The following HERC2 variants were observed in gnomAD, a reference collection of about 807,000 sequenced individuals.
The protein encoded by HERC2 is E3 ubiquitin-protein ligase HERC2.
A neutral mutation model predicts 537.7 loss-of-function variants in HERC2; 102 were observed. The ratio of observed to expected loss-of-function variants is 0.19; its 90% CI spans 0.16 to 0.22. HERC2 has a LOEUF of 0.22. Among genes scored for constraint, HERC2 ranks in the 10% least tolerant of loss-of-function variants. HERC2 has a pLI of 1.00. For missense variants in HERC2, 4,236 were observed against 6,198.2 expected (o/e 0.68, Z 10.63); for synonymous variants, 2,224 against 2,466.2 (o/e 0.90, Z 2.91).
chr15:28,144,176 T>A lies in HERC2; in HGVS notation c.11200A>T (p.Thr3734Ser). The A allele has an allele frequency of 6.2e-7, 1 of 1,614,146 alleles. No homozygotes were observed. Among genetic ancestry groups the A allele is most frequent in the Non-Finnish European group, 8.5e-7 (1 of 1,180,038 alleles). ...TTGAGTCGGAAGTCTAACAGACACGTCACCAAGTCCATGGATGGACAGGAG... is the reference window on the plus strand; with the variant it reads ...TTGAGTCGGAAGTCTAACAGACACGACACCAAGTCCATGGATGGACAGGAG... ...VLSCPSMDLV[T>S]CLLDFRLNLA... Residue 3734 changes from threonine to serine, a missense_variant, in exon 73 of 93, where the codon ACG (threonine) becomes TCG (serine). By Grantham distance (58) the Thr-to-Ser change is moderately conservative. Transcript: ENST00000261609.
chr15:28,140,560 C>T (rs1891117651), intron 78 of HERC2, among the ~76,000 whole-genome samples: 2 of 152,116 alleles, frequency 1.3e-5, no homozygotes, highest in African/African-American at 4.8e-5. Context: ...CTCACTCCGT[C>T]ACCCAGGCTG....
intron 20 of HERC2, among the ~76,000 whole-genome samples, chr15:28,253,548 C>G (rs1237231305): frequency 2.6e-5 from 4 of 152,202 alleles, no homozygotes; most frequent in Non-Finnish European, 5.9e-5. Context: ...AGGGTCTGCT[C>G]TTTATTCTAA....
rs1428920567 is a variant in HERC2 at position 28,202,391 on chromosome 15, A to G, written c.7436T>C (p.Leu2479Pro). The change falls in exon 46 of 93, where the codon CTG becomes CCG. Residue 2479 changes from leucine (L) to proline (P), a missense_variant. Physicochemically the swap from Leu to Pro is moderately conservative, Grantham distance 98 (BLOSUM62 -3). Transcript: ENST00000261609. Reference sequence around the variant, plus strand: ...CCCGGAAGCACCAGTGAGAGACTTCAGGGCAAACTCGATGTTCCTTCTGGA... The same window carrying G: ...CCCGGAAGCACCAGTGAGAGACTTCGGGGCAAACTCGATGTTCCTTCTGGA... ...GFSRRNIEFA[L>P]KSLTGASGNA... The G allele has an allele frequency of 6.2e-7, 1 of 1,613,552 alleles. No homozygotes were observed. The highest frequency in any genetic ancestry group is 8.5e-7 in the Non-Finnish European group (1 of 1,179,676).
intron 69 of HERC2, among the ~76,000 whole-genome samples, chr15:28,159,105 C>A (rs1000478104): frequency 3.3e-5 from 5 of 152,158 alleles, no homozygotes; most frequent in African/African-American, 1.2e-4. Flanking sequence ...CCCAGAGATC[C>A]GCTGTTAGTC....
intron 78 of HERC2, 151 bp downstream of exon 78, chr15:28,141,281 A>G (rs1891200976): frequency 5.0e-6 from 3 of 599,688 alleles, no homozygotes; most frequent in Non-Finnish European, 8.8e-6. Context: ...AAAATATCTT[A>G]GAACTCTAGC....
Position 28,238,591 on chromosome 15 carries a change from T to C in HERC2, c.3748+11A>G, listed in dbSNP as rs369498766. The stretch of plus-strand genomic sequence containing the variant: ...TAACTTTTAACCAGGAAATAACAAG[T>C]GTAATCTTACCAAGAATACTATTTC... On this transcript the variant is annotated intron_variant, in intron 24 of 92. Coordinates refer to ENST00000261609, the MANE Select transcript of HERC2 (RefSeq NM_004667.6). The C allele has an allele frequency of 6.9e-6, 11 of 1,602,734 alleles. No individual in the cohort carries two copies. The African/African-American group carries it at 1.1e-4, about 16-fold the overall frequency.
In HERC2 at chr15:28,257,200, T is replaced by C. The variant is rs1331819744; in HGVS notation, c.2378A>G (p.Asp793Gly). ...CTGCTCAAAAGTCATTGAGCAGATG[T>C]CCACCACAAAAGGGACACGGAGGCC... ...SIGLRVPFVV[D>G]ICSMTFEQLD... is the part of the protein sequence containing the mutation. Residue 793 changes from aspartate to glycine, a missense_variant, in exon 17 of 93, where the codon GAC becomes GGC. By Grantham distance (94) the Asp-to-Gly change is moderately conservative. Transcript: ENST00000261609. 1.9e-6 allele frequency: 3 copies of C among 1,613,770 alleles called. No individual in the cohort carries two copies. Among genetic ancestry groups the C allele is most frequent in the African/African-American group, 1.3e-5 (1 of 74,884 alleles).
At chr15:28,180,323 A>T (rs1895706886) in intron 57 of HERC2, among the ~76,000 whole-genome samples, 1 of 152,222 alleles carries the variant, frequency 6.6e-6, no homozygotes, top group Admixed American at 6.5e-5. Context: ...CTTTGTGTTA[A>T]GTACACTCTA....
intron 10 of HERC2, among the ~76,000 whole-genome samples, 155 bp from the exon 11 acceptor site, chr15:28,269,591 C>G (rs2075663707): frequency 6.6e-6 from 1 of 152,190 alleles, no homozygotes; most frequent in South Asian, 2.1e-4. Context: ...CCTGTATTAC[C>G]TCATTTAACA....
chr15:28,144,876 A>G, intron 71 of HERC2, 72 bp from the exon 72 acceptor site: 3 of 1,595,542 alleles, frequency 1.9e-6, no homozygotes, highest in South Asian at 1.1e-5. Flanking sequence ...TCTTAGACGC[A>G]AAGCAGAATG....
Position 28,176,962 on chromosome 15 carries a change from T to C in HERC2, c.9420A>G (p.Leu3140=), listed in dbSNP as rs766692042. 6.2e-7 allele frequency: 1 copy of C among 1,612,544 alleles called. No homozygotes were observed. The highest frequency in any genetic ancestry group is 8.5e-7 in the Non-Finnish European group (1 of 1,178,938). ...TGCGTATAATCACCATTTTGGGCTT[T>C]AGCTGTGTCGTATTATCCCCATGTC... is the stretch of plus-strand genomic sequence containing the variant. ...RLGHGDNTTQ[L]KPKMVKVLLG... Residue 3140 remains leucine (L), a synonymous_variant, in exon 61 of 93, where the codon CTA becomes CTG. Coordinates refer to ENST00000261609, the MANE Select transcript of HERC2 (RefSeq NM_004667.6). The surrounding 1 kb of genome is among the most constrained non-coding windows in gnomAD (Gnocchi z 5.0).
At chr15:28,209,432 C>A (rs1898869140) in intron 44 of HERC2, among the ~76,000 whole-genome samples, 1 of 152,062 alleles carries the variant, frequency 6.6e-6, no homozygotes, top group Non-Finnish European at 1.5e-5. Flanking sequence ...CAAGCTCTGC[C>A]TCCCGAGTTC....
intron 83 of HERC2, among the ~76,000 whole-genome samples, chr15:28,126,066 T>C (rs1186289106): frequency 2.0e-5 from 3 of 152,182 alleles, no homozygotes; most frequent in Non-Finnish European, 2.9e-5. Flanking sequence ...TGAAAATCTA[T>C]GTTTTTAAAA....
intron 5 of HERC2, among the ~76,000 whole-genome samples, chr15:28,277,707 A>T (rs1381392762): frequency 1.3e-5 from 2 of 152,210 alleles, no homozygotes; most frequent in Non-Finnish European, 2.9e-5. Flanking sequence ...TGACCATCAC[A>T]GCCGGTTAGG....
chr15:28,144,435 T>C (rs1457794604), intron 72 of HERC2, among the ~76,000 whole-genome samples, 200 bp from the exon 73 acceptor site: 3 of 152,160 alleles, frequency 2.0e-5, no homozygotes, highest in Admixed American at 2.0e-4. Flanking sequence ...GCCTAAGAAC[T>C]GCACCAGCAA....
chr15:28,158,929 C>T (rs1185520184), intron 69 of HERC2, among the ~76,000 whole-genome samples: 1 of 152,074 alleles, frequency 6.6e-6, no homozygotes, highest in Non-Finnish European at 1.5e-5. Context: ...TAGGGCAGGC[C>T]TGGTGGTGAC....
intron 48 of HERC2, among the ~76,000 whole-genome samples, chr15:28,200,360 A>G (rs536276359): frequency 6.6e-6 from 1 of 152,086 alleles, no homozygotes; most frequent in South Asian, 2.1e-4. Context: ...ACGCCACTGC[A>G]CTCCAGCCTG....
rs761677571 is a variant in HERC2, at chr15:28,246,777, G to A, written c.3356C>T (p.Ala1119Val). Residue 1119 changes from alanine (A) to valine (V), a missense_variant, in exon 22 of 93, where the codon GCG becomes GTG. Transcript: ENST00000261609. ...SIASTSWRHFAEVAYIVEGDF... is the reference protein window; with the variant it reads ...SIASTSWRHFVEVAYIVEGDF... Reference sequence around the variant, plus strand: ...CCCTTCCACAATGTAAGCCACCTCCGCGAAGTGCCGCCAGCTGGTAGAAGC... The same window carrying A: ...CCCTTCCACAATGTAAGCCACCTCCACGAAGTGCCGCCAGCTGGTAGAAGC... 30 of 1,604,780 alleles carry A rather than the reference G, an allele frequency of 1.9e-5. No homozygotes were observed. The highest frequency in any genetic ancestry group is 1.3e-4 in the East Asian group (6 of 44,462).
chr15:28,113,882 A>G lies in HERC2; in HGVS notation c.13914-204T>C, dbSNP rs1345120311. Reference sequence around the variant, plus strand: ...ACTGGGCTCATCTCGTCCAGCCGACAGGGTACGGCCTAATGACCACCTACA... The same window carrying G: ...ACTGGGCTCATCTCGTCCAGCCGACGGGGTACGGCCTAATGACCACCTACA... On this transcript the variant is annotated intron_variant, in intron 90 of 92. Coordinates refer to ENST00000261609, the MANE Select transcript of HERC2 (RefSeq NM_004667.6). This position sits in a 1 kb window ranked among gnomAD's most constrained non-coding sequence, Gnocchi z 7.0. Among the ~76,000 whole-genome samples, 1 of 152,168 alleles carries G rather than the reference A, an allele frequency of 6.6e-6. No homozygotes were observed. Among genetic ancestry groups the G allele is most frequent in the African/African-American group, 2.4e-5 (1 of 41,436 alleles).
Sources: allele counts gnomAD v4.1 joint callset (sites outside exome capture counted in the v4.1 genomes callset), GRCh38; gene constraint gnomAD v4.1.1; non-coding constraint Gnocchi (gnomAD v3.1); transcripts MANE v1.5; gene names NCBI Gene and HGNC (gene_info 2026-07-23, HGNC 2026-07-21).